Variants in CNOT10 observed in about 807,000 individuals in gnomAD.
CNOT10 encodes CCR4-NOT transcription complex subunit 10.
CNOT10 carries 30 observed loss-of-function variants against 94.6 expected under a neutral mutation model. The observed-to-expected ratio is 0.32, with a 90% CI of 0.24 to 0.43. The LOEUF (loss-of-function observed/expected upper bound fraction) is 0.43. Ranked by LOEUF, CNOT10 falls within the 20% of genes least tolerant of loss-of-function variation. The probability of loss-of-function intolerance (pLI) is 1.00; values close to 1 mark genes in which losing one functional copy is unlikely to be tolerated. For missense variants in CNOT10, 759 were observed against 877.2 expected, an observed-to-expected ratio of 0.87 and a Z score of 1.70; for synonymous variants, 289 against 301.6, an observed-to-expected ratio of 0.96 and a Z score of 0.43.
rs148043101 is a variant in CNOT10 at position 32,738,954 on chromosome 3, G to C, written c.1595+1464G>C. On this transcript the variant is annotated intron_variant, in intron 13 of 18. Coordinates refer to ENST00000328834, the MANE Select transcript of CNOT10 (RefSeq NM_015442.3). ...GAGTTTTACTCTCTGTCCCAGGGTG[G>C]AGTGCAGTGGTATGATCTCGGCTCA... Among the ~76,000 whole-genome samples the C allele has an allele frequency of 4.1e-3, 622 of 150,508 alleles. 4 individuals are homozygous for C. Among genetic ancestry groups the C allele is most frequent in the African/African-American group, 0.015 (598 of 40,906 alleles).
intron 12 of CNOT10, among the ~76,000 whole-genome samples, chr3:32,737,152 A>G: frequency 6.6e-6 from 1 of 152,100 alleles, no homozygotes; most frequent in East Asian, 1.9e-4. Context: ...CGTTTCTACT[A>G]AAAATACAAA....
At chr3:32,702,785 C>T (rs1054480738) in intron 1 of CNOT10, among the ~76,000 whole-genome samples, 2 of 152,176 alleles carry the variant, frequency 1.3e-5, no homozygotes, top group Non-Finnish European at 2.9e-5. Context: ...TCCTCATCTA[C>T]AGGGCTTGTG....
intron 4 of CNOT10, among the ~76,000 whole-genome samples, chr3:32,712,765 G>A (rs972655254): frequency 6.6e-6 from 1 of 152,166 alleles, no homozygotes; most frequent in Non-Finnish European, 1.5e-5. Flanking sequence ...CTTGAGCCTA[G>A]TAGGCAGAGG....
intron 12 of CNOT10, among the ~76,000 whole-genome samples, chr3:32,735,320 T>G (rs188875880): frequency 0.037 from 5,485 of 146,966 alleles, 293 homozygotes; most frequent in African/African-American, 0.1. Flanking sequence ...ACTCCAGCTT[T>G]GGCGACAGAG....
At chr3:32,753,233 A>G (rs1435379032) in intron 13 of CNOT10, 5 of 741,588 alleles carry the variant, frequency 6.7e-6, no homozygotes, top group Non-Finnish European at 1.2e-5. Context: ...AAAATTAGAT[A>G]GTGCAGATGC....
intron 1 of CNOT10, chr3:32,687,815 C>T (rs939169787): frequency 1.3e-5 from 2 of 152,088 alleles, no homozygotes; most frequent in African/African-American, 2.4e-5. Flanking sequence ...ATTTCTGTAT[C>T]AACCCACCCA....
At chr3:32,736,522 C>T (rs943186155) in intron 12 of CNOT10, among the ~76,000 whole-genome samples, 15 of 152,164 alleles carry the variant, frequency 9.9e-5, no homozygotes, top group Non-Finnish European at 1.5e-4. Flanking sequence ...CACCTGTAAT[C>T]CCAGTGCTAA....
At position 32,725,437 on chromosome 3, in the gene CNOT10, G is replaced by A. The variant is rs1272267798; in HGVS notation, c.863-13G>A. 2 of 1,611,830 alleles carry A rather than the reference G, an allele frequency of 1.2e-6. No homozygotes were observed. Among genetic ancestry groups the A allele is most frequent in the Admixed American group, 1.7e-5 (1 of 59,698 alleles). On this transcript the variant is annotated splice_polypyrimidine_tract_variant and intron_variant, in intron 8 of 18. Coordinates refer to ENST00000328834, the MANE Select transcript of CNOT10 (RefSeq NM_015442.3). ...AATTTTTCTGTGGACAAATTTATTT[G>A]CATTTTTTTCAGGTGAATGCTTGAG...
chr3:32,690,525 C>T (rs1341725950), intron 1 of CNOT10, among the ~76,000 whole-genome samples: 4 of 151,742 alleles, frequency 2.6e-5, no homozygotes, highest in African/African-American at 4.9e-5. Flanking sequence ...GTTAGGACTA[C>T]GGGTGTGTAC....
chr3:32,741,525 T>C (rs190299324), intron 13 of CNOT10, among the ~76,000 whole-genome samples: 1 of 152,114 alleles, frequency 6.6e-6, no homozygotes. Flanking sequence ...ATCCCAGCAC[T>C]TAGGGCGGCC....
chr3:32,701,572 T>C (rs1055432019), intron 1 of CNOT10, among the ~76,000 whole-genome samples: 4 of 152,114 alleles, frequency 2.6e-5, no homozygotes, highest in African/African-American at 4.8e-5. Flanking sequence ...CTGGTGATAG[T>C]GAGTGAGTTC....
intron 1 of CNOT10, 61 bp from the exon 2 acceptor site, chr3:32,703,807 T>C: frequency 8.8e-7 from 1 of 1,134,478 alleles, no homozygotes; most frequent in Non-Finnish European, 1.3e-6. Flanking sequence ...TGAAACTGGA[T>C]AAGGAGGGAC....
intron 7 of CNOT10, among the ~76,000 whole-genome samples, chr3:32,719,510 A>C (rs1247610401): frequency 6.6e-6 from 1 of 152,158 alleles, no homozygotes; most frequent in Admixed American, 6.5e-5. Context: ...TACTCTAAAC[A>C]GGTAGTACTA....
At chr3:32,760,458 C>A (rs1317841222) in intron 14 of CNOT10, among the ~76,000 whole-genome samples, 3 of 151,718 alleles carry the variant, frequency 2.0e-5, no homozygotes, top group Non-Finnish European at 2.9e-5. Context: ...GTGGTAAAAC[C>A]CCATCTCTAC....
At chr3:32,770,170 C>G (rs1433193310) in intron 18 of CNOT10, among the ~76,000 whole-genome samples, 1 of 151,908 alleles carries the variant, frequency 6.6e-6, no homozygotes, top group Admixed American at 6.6e-5. Context: ...CTGAGCCCAA[C>G]TAATTTTTTA....
intron 13 of CNOT10, among the ~76,000 whole-genome samples, chr3:32,745,802 G>A (rs1329321180): frequency 2.6e-5 from 4 of 152,100 alleles, no homozygotes; most frequent in Non-Finnish European, 5.9e-5. Context: ...AATTTGAGAC[G>A]AGTGTGGGCA....
chr3:32,772,832 G>T lies in CNOT10; in HGVS notation c.2081-625G>T, dbSNP rs1275122229. The stretch of plus-strand genomic sequence containing the variant: ...CGGGCCTTAGCCTCCTTAAAGATGT[G>T]ATTAGGGTTAGTGCATTGCCCTAGA... On this transcript the variant is annotated intron_variant, in intron 18 of 18. Transcript: ENST00000328834. 3.9e-5 allele frequency among the ~76,000 whole-genome samples: 6 copies of T among 152,108 alleles called. No homozygotes were observed. In the East Asian group the frequency reaches 1.2e-3, roughly 29 times the overall value.
At chr3:32,695,465 G>C (rs1697005348) in intron 1 of CNOT10, 1 of 1,053,612 alleles carries the variant, frequency 9.5e-7, no homozygotes, top group African/African-American at 1.6e-5. Flanking sequence ...GCTGTATTTT[G>C]ATGAGTGTAG....
In CNOT10 at chr3:32,695,884, T is replaced by A. The variant is rs1007333832; in HGVS notation, c.23-7984T>A. ...TTTTTAAAACATTAAAAAAACTGAT[T>A]ACAAAAATGAATACCCATTTCTGGC... On this transcript the variant is annotated intron_variant, in intron 1 of 18. Transcript: ENST00000328834. 1.9e-5 allele frequency: 26 copies of A among 1,376,688 alleles called. No homozygotes were observed. In the South Asian group the frequency reaches 2.8e-4, roughly 15 times the overall value. The allele number at this position is 1,376,688 out of a possible 1,614,324, so 85.3% of individuals were successfully genotyped here.
Sources: allele counts gnomAD v4.1 joint callset (sites outside exome capture counted in the v4.1 genomes callset), GRCh38; gene constraint gnomAD v4.1.1; transcripts MANE v1.5; gene names NCBI Gene and HGNC (gene_info 2026-07-23, HGNC 2026-07-21).